Variants in AHDC1 observed in about 807,000 individuals in gnomAD.
The protein encoded by AHDC1 is AT-hook DNA binding motif containing 1, also known as transcription factor Gibbin.
A neutral mutation model predicts 87.9 loss-of-function variants in AHDC1; 7 were observed. That is an observed-to-expected ratio of 0.08 (90% CI 0.05 to 0.15). The LOEUF (loss-of-function observed/expected upper bound fraction) is 0.15, where lower values mean the gene tolerates loss of function less well. Among genes scored for constraint, AHDC1 ranks in the 10% least tolerant of loss-of-function variants. AHDC1 has a pLI of 1.00. For missense variants in AHDC1, 1,841 were observed against 2,253.2 expected, an observed-to-expected ratio of 0.82 and a Z score of 3.70; for synonymous variants, 1,051 against 1,006.8, an observed-to-expected ratio of 1.04 and a Z score of -0.83.
At chr1:27,603,569 T>A (rs2089600924) in intron 2 of AHDC1, 75 bp from the exon 3 acceptor site, 1 of 152,058 alleles carries the variant, frequency 6.6e-6, no homozygotes, top group Non-Finnish European at 1.5e-5. Flanking sequence ...TCGGCTCACA[T>A]TCTCCGCCGC....
At position 27,548,710 on chromosome 1, in the gene AHDC1, C is replaced by T. The variant is rs151271246; in HGVS notation, c.3406G>A (p.Val1136Ile). 1.7e-5 allele frequency: 27 copies of T among 1,613,350 alleles called. No individual in the cohort carries two copies. In the South Asian group the frequency reaches 1.8e-4, roughly 10 times the overall value. The change falls in exon 8 of 9, where the codon GTC (valine) becomes ATC (isoleucine). Residue 1136 changes from valine (V) to isoleucine (I), a missense_variant. Physicochemically the swap from Val to Ile is conservative, Grantham distance 29 (BLOSUM62 3). Around this residue, in one of 13 missense-constraint regions of AHDC1, gnomAD observed 378 missense variants for 399.0 expected, o/e 0.95. Coordinates refer to ENST00000673934, the MANE Select transcript of AHDC1 (RefSeq NM_001371928.1). The stretch of plus-strand genomic sequence containing the variant: ...TCCAGGATCACGTTGGGCTCGCTGA[C>T]GTGGCAGTCAAAACTGGGATTGTAG... ...QLYNPSFDCH[V>I]SEPNVILDIS...
intron 3 of AHDC1, among the ~76,000 whole-genome samples, chr1:27,588,906 T>C (rs936670595): frequency 2.0e-5 from 3 of 151,738 alleles, no homozygotes; most frequent in South Asian, 2.1e-4. Context: ...GAGGGAGTGA[T>C]TGAGAAAGAC....
intron 8 of AHDC1, among the ~76,000 whole-genome samples, chr1:27,539,072 T>G (rs2148202304): frequency 6.6e-6 from 1 of 151,704 alleles, no homozygotes; most frequent in East Asian, 1.9e-4. Context: ...TCGATGAGGC[T>G]CCCAATCAGG....
intron 8 of AHDC1, 70 bp from the exon 9 acceptor site, chr1:27,534,986 G>A (rs2018581317): frequency 6.6e-6 from 1 of 152,194 alleles, no homozygotes; most frequent in Admixed American, 6.5e-5. Flanking sequence ...GATCAGGGAA[G>A]TGAAGAGGGA....
chr1:27,563,493 A>G lies in AHDC1; in HGVS notation c.-628-4610T>C, dbSNP rs2020190782. Among the ~76,000 whole-genome samples, 1 of 152,196 alleles carries G rather than the reference A, an allele frequency of 6.6e-6. No individual in the cohort carries two copies. On this transcript the variant is annotated intron_variant, in intron 3 of 8. Coordinates refer to ENST00000673934, the MANE Select transcript of AHDC1 (RefSeq NM_001371928.1). The surrounding 1 kb of genome is among the most constrained non-coding windows in gnomAD (Gnocchi z 6.1). ...CCTCCCTGCAGACTGTGGGATGGGT[A>G]CACAACATGTCACCTCCCCGGCTGC...
At chr1:27,572,961 C>T (rs1571299104) in intron 3 of AHDC1, among the ~76,000 whole-genome samples, 1 of 152,224 alleles carries the variant, frequency 6.6e-6, no homozygotes, top group African/African-American at 2.4e-5. Flanking sequence ...GTCTCACAGC[C>T]CCGCCTGACA....
rs2089358946 is a variant in AHDC1 at position 27,595,933 on chromosome 1, G to A, written c.-629+7464C>T. 6.6e-6 allele frequency among the ~76,000 whole-genome samples: 1 copy of A among 151,856 alleles called. No homozygotes were observed. The highest frequency in any genetic ancestry group is 2.4e-5 in the African/African-American group (1 of 41,276). On this transcript the variant is annotated intron_variant, in intron 3 of 8. Transcript: ENST00000673934. The surrounding 1 kb of genome is among the most constrained non-coding windows in gnomAD (Gnocchi z 4.0). Reference sequence around the variant, plus strand: ...GGAAGTGTGTGGGCTGGGTGTTGTAGGTGGAGCAGTTGTGTTTTAGAGGTG... The same window carrying A: ...GGAAGTGTGTGGGCTGGGTGTTGTAAGTGGAGCAGTTGTGTTTTAGAGGTG...
At position 27,562,516 on chromosome 1, in the gene AHDC1, A is replaced by T. The variant is rs2148351206; in HGVS notation, c.-628-3633T>A. Among the ~76,000 whole-genome samples, 1 of 152,238 alleles carries T rather than the reference A, an allele frequency of 6.6e-6. No individual in the cohort carries two copies. Among genetic ancestry groups the T allele is most frequent in the Non-Finnish European group, 1.5e-5 (1 of 68,000 alleles). ...CCTGCCTTGGTGCCCCACCTCACAG[A>T]CACACACCTGCCCTGGCCCTAAAGG... On this transcript the variant is annotated intron_variant, in intron 3 of 8. Transcript: ENST00000673934. The surrounding 1 kb of genome is among the most constrained non-coding windows in gnomAD (Gnocchi z 4.4).
intron 5 of AHDC1, among the ~76,000 whole-genome samples, chr1:27,555,461 C>T (rs543091656): frequency 6.6e-6 from 1 of 152,306 alleles, no homozygotes; most frequent in South Asian, 2.1e-4. Context: ...CTCAGCTGCT[C>T]CTCGTTGTCC....
chr1:27,601,835 C>T (rs1182895813), intron 3 of AHDC1, among the ~76,000 whole-genome samples: 1 of 152,180 alleles, frequency 6.6e-6, no homozygotes, highest in Non-Finnish European at 1.5e-5. Context: ...GGACTCTGCC[C>T]AGGCCCGGGC....
In AHDC1 at chr1:27,539,963, A is replaced by ATCTC. The variant is rs143409425; in HGVS notation, c.*44-5051_*44-5048dup. ...GGAGGAGGCTAGCCTCACCTCCTCCATCTCTCTCTCTCTCTCTCTCCCCCA... is the reference window on the plus strand; with the variant it reads ...GGAGGAGGCTAGCCTCACCTCCTCCATCTCTCTCTCTCTCTCTCTCTCTCCCCCA... On this transcript the variant is annotated intron_variant, in intron 8 of 8. Transcript: ENST00000673934. Among the ~76,000 whole-genome samples the ATCTC allele has an allele frequency of 4.1e-5, 6 of 147,926 alleles. No individual in the cohort carries two copies. The East Asian group carries it at 5.9e-4, about 15-fold the overall frequency.
In AHDC1 at chr1:27,560,200, TTGTGTGTG is replaced by T. The variant is rs10623052; in HGVS notation, c.-628-1325_-628-1318del. Among the ~76,000 whole-genome samples, 6 of 148,418 alleles carry T rather than the reference TTGTGTGTG, an allele frequency of 4.0e-5. No homozygotes were observed. The highest frequency in any genetic ancestry group is 9.9e-5 in the African/African-American group (4 of 40,346). On this transcript the variant is annotated intron_variant, in intron 3 of 8. Coordinates refer to ENST00000673934, the MANE Select transcript of AHDC1 (RefSeq NM_001371928.1). This position sits in a 1 kb window ranked among gnomAD's most constrained non-coding sequence, Gnocchi z 4.1. ...CTTTTCACGTTTATTTCTATTCGTTTTGTGTGTGTGTGTGTGTGTGTGTGAGTCTAGCT... is the reference window on the plus strand; with the variant it reads ...CTTTTCACGTTTATTTCTATTCGTTTTGTGTGTGTGTGTGTGAGTCTAGCT...
At chr1:27,567,370 T>C (rs888202593) in intron 3 of AHDC1, among the ~76,000 whole-genome samples, 1 of 151,822 alleles carries the variant, frequency 6.6e-6, no homozygotes, top group Non-Finnish European at 1.5e-5. Context: ...AATAAACAGC[T>C]GAAGCGGCCG....
intron 3 of AHDC1, among the ~76,000 whole-genome samples, chr1:27,603,186 C>G (rs1299098339): frequency 2.0e-5 from 3 of 150,098 alleles, no homozygotes; most frequent in Non-Finnish European, 4.5e-5. Context: ...TCCCCCTCCC[C>G]CTTCCCGGCG....
chr1:27,550,829 G>A lies in AHDC1; in HGVS notation c.1287C>T (p.Pro429=), dbSNP rs2019503645. The A allele has an allele frequency of 6.4e-7, 1 of 1,565,494 alleles. No homozygotes were observed. ...GGGGTGGAGGAGGCGGTGGTGGTGGGGGTTCGGCCAGGGCAGCCACCAGCC... is the reference window on the plus strand; with the variant it reads ...GGGGTGGAGGAGGCGGTGGTGGTGGAGGTTCGGCCAGGGCAGCCACCAGCC... ...PTGLVAALAE[P]PPPPPPPPPA... is the part of the protein sequence containing the mutation. Residue 429 remains proline (P), a synonymous_variant, in exon 8 of 9, where the codon CCC becomes CCT. Coordinates refer to ENST00000673934, the MANE Select transcript of AHDC1 (RefSeq NM_001371928.1).
At position 27,534,332 on chromosome 1, in the gene AHDC1, T is replaced by C. The variant is rs1376031517; in HGVS notation, c.*628A>G. 1 of 148,612 alleles carries C rather than the reference T, an allele frequency of 6.7e-6. No homozygotes were observed. The highest frequency in any genetic ancestry group is 1.5e-5 in the Non-Finnish European group (1 of 67,408). 9.2% of individuals were successfully genotyped at this position (148,612 alleles called of 1,614,324 possible). A position where few individuals can be genotyped will look rare whatever the true frequency, so the allele number is the denominator to read the frequency against. On this transcript the variant is annotated 3_prime_UTR_variant, in exon 9 of 9. Transcript: ENST00000673934. ...CAAACTTGGATCTTTGGGTGTGTCC[T>C]GCCAACAGAAAACAACAACAACAAC...
In AHDC1 at chr1:27,548,987, C is replaced by T; in HGVS notation, c.3129G>A (p.Gly1043=). The part of the protein sequence containing the change: ...SKASFFSSSE[G]APFSGSAPTP... Reference sequence around the variant, plus strand: ...TGGGGGCTGAACCAGAGAAGGGGGCCCCCTCAGAGCTGCTGAAGAAGGAGG... The same window carrying T: ...TGGGGGCTGAACCAGAGAAGGGGGCTCCCTCAGAGCTGCTGAAGAAGGAGG... The change falls in exon 8 of 9, where the codon GGG becomes GGA. Residue 1043 remains glycine, a synonymous_variant. Transcript: ENST00000673934. The T allele has an allele frequency of 6.4e-7, 1 of 1,562,884 alleles. No individual in the cohort carries two copies. The highest frequency in any genetic ancestry group is 8.7e-7 in the Non-Finnish European group (1 of 1,153,422).
intron 3 of AHDC1, among the ~76,000 whole-genome samples, chr1:27,592,560 A>G (rs980205941): frequency 6.6e-6 from 1 of 151,888 alleles, no homozygotes; most frequent in Admixed American, 6.6e-5. Flanking sequence ...CACTTTCCCA[A>G]ACATCCCCCG....
In AHDC1 at chr1:27,556,988, C is replaced by T. The variant is rs200421634; in HGVS notation, c.-225+1317G>A. The stretch of plus-strand genomic sequence containing the variant: ...CCCGCCCCCTGGGGCCATCAGGGCC[C>T]CCCCACAGCACAGCACAGCAGTGCA... On this transcript the variant is annotated intron_variant, in intron 5 of 8. Transcript: ENST00000673934. Among the ~76,000 whole-genome samples, 6 of 150,512 alleles carry T rather than the reference C, an allele frequency of 4.0e-5. No homozygotes were observed. In the East Asian group the frequency reaches 8.0e-4, roughly 20 times the overall value.
Sources: allele counts gnomAD v4.1 joint callset (sites outside exome capture counted in the v4.1 genomes callset), GRCh38; gene constraint gnomAD v4.1.1; regional missense constraint gnomAD v4.1.1; non-coding constraint Gnocchi (gnomAD v3.1); transcripts MANE v1.5; gene names NCBI Gene and HGNC (gene_info 2026-07-23, HGNC 2026-07-21).